Variants in ZNF385D observed in about 807,000 individuals in gnomAD.
The protein encoded by ZNF385D is zinc finger protein 659.
A neutral mutation model predicts 35.8 loss-of-function variants in ZNF385D; 15 were observed. That is an observed-to-expected ratio of 0.42 (90% CI 0.28 to 0.64). ZNF385D has a LOEUF of 0.64. Among genes scored for constraint, ZNF385D ranks in the 30% least tolerant of loss-of-function variants. ZNF385D has a pLI of 0.23. For synonymous variants in ZNF385D, 212 were observed against 186.8 expected (o/e 1.13, Z -1.10); for missense variants, 474 against 494.6 (o/e 0.96, Z 0.39).
intron 2 of ZNF385D, among the ~76,000 whole-genome samples, chr3:22,275,943 G>A (rs1047584599): frequency 6.6e-6 from 1 of 151,982 alleles, no homozygotes; most frequent in Non-Finnish European, 1.5e-5. Context: ...AAATTAGCTG[G>A]GCATGGTGGC....
chr3:21,700,043 G>C (rs2067621980), intron 1 of ZNF385D, among the ~76,000 whole-genome samples: 1 of 151,944 alleles, frequency 6.6e-6, no homozygotes, highest in Non-Finnish European at 1.5e-5. Context: ...TGTTGGCCAG[G>C]CTGGTCTCAA....
chr3:21,815,162 T>A (rs568705779), intron 3 of ZNF385D, among the ~76,000 whole-genome samples: 1 of 152,238 alleles, frequency 6.6e-6, no homozygotes, highest in Non-Finnish European at 1.5e-5. Flanking sequence ...CATACCAGAA[T>A]CTCTGGGACA....
intron 2 of ZNF385D, among the ~76,000 whole-genome samples, chr3:21,566,358 C>T (rs1266268451): frequency 6.6e-6 from 1 of 152,178 alleles, no homozygotes; most frequent in Non-Finnish European, 1.5e-5. Context: ...GGCACGATAG[C>T]TCATGCCTAT....
intron 3 of ZNF385D, among the ~76,000 whole-genome samples, chr3:21,973,558 G>A (rs548725242): frequency 6.6e-6 from 1 of 152,058 alleles, no homozygotes; most frequent in East Asian, 1.9e-4. Context: ...AGTACTGGAA[G>A]TACTAGCTAG....
chr3:21,836,843 C>T (rs1171687944), intron 3 of ZNF385D, among the ~76,000 whole-genome samples: 2 of 152,094 alleles, frequency 1.3e-5, no homozygotes, highest in African/African-American at 4.8e-5. Flanking sequence ...CAGACGCTGC[C>T]GTAGACCCAC....
At chr3:21,968,811 G>A (rs1246416795) in intron 3 of ZNF385D, among the ~76,000 whole-genome samples, 2 of 152,162 alleles carry the variant, frequency 1.3e-5, no homozygotes, top group Non-Finnish European at 2.9e-5. Context: ...TTAGCTAAAG[G>A]GAGAGACTCC....
intron 1 of ZNF385D, among the ~76,000 whole-genome samples, chr3:21,668,013 A>G (rs894431479): frequency 2.6e-5 from 4 of 152,182 alleles, no homozygotes; most frequent in African/African-American, 9.7e-5. Context: ...GAAGAGAGCA[A>G]TGTATAAGAT....
intron 3 of ZNF385D, among the ~76,000 whole-genome samples, chr3:21,801,670 A>G (rs2125686064): frequency 6.6e-6 from 1 of 152,216 alleles, no homozygotes; most frequent in Admixed American, 6.5e-5. Flanking sequence ...TGGGAGCTAA[A>G]CTCACGCAGC....
intron 3 of ZNF385D, among the ~76,000 whole-genome samples, chr3:22,038,231 T>C (rs968265818): frequency 6.6e-6 from 1 of 152,176 alleles, no homozygotes; most frequent in Non-Finnish European, 1.5e-5. Context: ...ATTGAAATTA[T>C]AAAACATTCA....
rs116593426 is a variant in ZNF385D at position 21,907,068 on chromosome 3, G to T, written c.326-242040C>A. Among the ~76,000 whole-genome samples the T allele has an allele frequency of 5.7e-3, 865 of 152,100 alleles. 11 individuals are homozygous for T. The highest frequency in any genetic ancestry group is 0.019 in the African/African-American group (808 of 41,488). On this transcript the variant is annotated intron_variant, in intron 3 of 5. Transcript: ENST00000494108. Reference sequence around the variant, plus strand: ...GCTGGTAATTCAGCCTTTGTACTAGGCCATTTGAAAACACATTTCCCACCT... The same window carrying T: ...GCTGGTAATTCAGCCTTTGTACTAGTCCATTTGAAAACACATTTCCCACCT...
intron 3 of ZNF385D, among the ~76,000 whole-genome samples, chr3:22,144,391 G>A (rs577478594): frequency 6.6e-6 from 1 of 151,758 alleles, no homozygotes; most frequent in African/African-American, 2.4e-5. Flanking sequence ...CTGGCCAATA[G>A]GGTGAAACCC....
At chr3:21,535,619 G>A (rs2062018229) in intron 3 of ZNF385D, among the ~76,000 whole-genome samples, 1 of 151,978 alleles carries the variant, frequency 6.6e-6, no homozygotes, top group South Asian at 2.1e-4. Context: ...ATTAGAAAAA[G>A]GAAAATATAT....
chr3:21,836,851 C>T (rs1318527263), intron 3 of ZNF385D, among the ~76,000 whole-genome samples: 2 of 152,062 alleles, frequency 1.3e-5, no homozygotes, highest in Admixed American at 6.6e-5. Flanking sequence ...GCCGTAGACC[C>T]ACCCCAGCTT....
In ZNF385D at chr3:22,141,275, TA is replaced by T. The variant is rs35039671; in HGVS notation, c.325+27541del. On this transcript the variant is annotated intron_variant, in intron 3 of 5. Coordinates refer to the ZNF385D transcript ENST00000494108. ...CATTGTTCCCAATGCAATATTTCAT[TA>T]AAAAAAATTAGCTGGCAAGACTAGT... is the stretch of plus-strand genomic sequence containing the variant. Among the ~76,000 whole-genome samples the T allele has an allele frequency of 4.1e-4, 63 of 152,050 alleles. 1 individual carries two copies. In the South Asian group the frequency reaches 4.8e-3, roughly 12 times the overall value.
chr3:22,174,553 G>A (rs12629523), intron 2 of ZNF385D, among the ~76,000 whole-genome samples: 20,663 of 152,084 alleles, frequency 0.14, 1,490 homozygotes, highest in East Asian at 0.24. Flanking sequence ...AAAGTTGGCA[G>A]ATAGGAATTT....
At chr3:22,104,558 G>A (rs1376679642) in intron 3 of ZNF385D, among the ~76,000 whole-genome samples, 1 of 151,732 alleles carries the variant, frequency 6.6e-6, no homozygotes, top group African/African-American at 2.4e-5. Context: ...GCCGCGTTGT[G>A]TACTTCTTAG....
intron 3 of ZNF385D, among the ~76,000 whole-genome samples, chr3:21,527,255 G>C (rs765994641): frequency 6.6e-6 from 1 of 152,104 alleles, no homozygotes; most frequent in Non-Finnish European, 1.5e-5. Context: ...TACTGTTACA[G>C]TAACCACTGT....
At chr3:21,798,854 A>G (rs940488109) in intron 3 of ZNF385D, among the ~76,000 whole-genome samples, 10 of 152,192 alleles carry the variant, frequency 6.6e-5, no homozygotes, top group African/African-American at 2.4e-4. Context: ...ACAATTCAGT[A>G]GCATTTACTA....
At chr3:21,597,163 A>C (rs2064149838) in intron 2 of ZNF385D, among the ~76,000 whole-genome samples, 1 of 152,204 alleles carries the variant, frequency 6.6e-6, no homozygotes, top group Non-Finnish European at 1.5e-5. Flanking sequence ...TATAAGGTTT[A>C]ATCAACCAAT....
Sources: allele counts gnomAD v4.1 joint callset (sites outside exome capture counted in the v4.1 genomes callset), GRCh38; gene constraint gnomAD v4.1.1; transcripts MANE v1.5; gene names NCBI Gene and HGNC (gene_info 2026-07-23, HGNC 2026-07-21).